Variants in MYO18B observed in about 807,000 individuals in gnomAD.
MYO18B encodes the protein unconventional myosin-XVIIIb.
A neutral mutation model predicts 273.0 loss-of-function variants in MYO18B; 204 were observed. That is an observed-to-expected ratio of 0.75 (90% CI 0.67 to 0.84). MYO18B has a LOEUF of 0.84. Ranked by LOEUF, MYO18B falls within the 40% of genes least tolerant of loss-of-function variation. The pLI, the probability that MYO18B is intolerant of heterozygous loss-of-function variation, is 0.00. For synonymous variants in MYO18B, 1,330 were observed against 1,305.7 expected (o/e 1.02, Z -0.40); for missense variants, 3,212 against 3,287.6 (o/e 0.98, Z 0.56).
At chr22:25,859,381 C>T (rs2090665506) in intron 21 of MYO18B, among the ~76,000 whole-genome samples, 1 of 152,070 alleles carries the variant, frequency 6.6e-6, no homozygotes, top group Non-Finnish European at 1.5e-5. Flanking sequence ...TGGGTGCATT[C>T]TTGGAGGAGA....
the MYO18B span, among the ~76,000 whole-genome samples, chr22:26,051,284 C>T: frequency 7.7e-6 from 1 of 129,852 alleles, no homozygotes; most frequent in African/African-American, 3.1e-5. Flanking sequence ...AGTGCAGTGG[C>T]GCCATCTCTG....
At position 25,974,004 on chromosome 22, in the gene MYO18B, C is replaced by T. The variant is rs575099468; in HGVS notation, c.6157-18359C>T. Among the ~76,000 whole-genome samples, 15 of 152,312 alleles carry T rather than the reference C, an allele frequency of 9.8e-5. 1 individual carries two copies. The highest frequency in any genetic ancestry group is 4.1e-4 in the South Asian group (2 of 4,826). On this transcript the variant is annotated intron_variant, in intron 39 of 43. Coordinates refer to ENST00000335473, the MANE Select transcript of MYO18B (RefSeq NM_032608.7). The stretch of plus-strand genomic sequence containing the variant: ...GTCTTAGGTCATCCTAGTCTTAGGA[C>T]GGTGAGGAGGCAAACGTTATCATCT...
At chr22:25,950,229 G>T (rs1352755838) in intron 36 of MYO18B, 138 bp from the exon 37 acceptor site, 2 of 664,582 alleles carry the variant, frequency 3.0e-6, no homozygotes, top group Admixed American at 6.1e-5. Flanking sequence ...TAATTTTTGG[G>T]AAACAGCTAT....
At chr22:25,888,162 T>G (rs1306123314) in intron 25 of MYO18B, among the ~76,000 whole-genome samples, 1 of 152,208 alleles carries the variant, frequency 6.6e-6, no homozygotes, top group Admixed American at 6.5e-5. Flanking sequence ...TTCCTAAATT[T>G]TTTTGTTCAT....
chr22:25,755,254 T>C (rs2086076357), intron 1 of MYO18B, among the ~76,000 whole-genome samples: 2 of 152,196 alleles, frequency 1.3e-5, no homozygotes, highest in Admixed American at 1.3e-4. Flanking sequence ...TTACCCAGGC[T>C]GGAGTGCAAT....
At chr22:25,953,015 A>G (rs1202920969) in intron 38 of MYO18B, among the ~76,000 whole-genome samples, 1 of 152,256 alleles carries the variant, frequency 6.6e-6, no homozygotes, top group Non-Finnish European at 1.5e-5. Context: ...TTTAGAGGAT[A>G]GAGATCTTTT....
intron 1 of MYO18B, among the ~76,000 whole-genome samples, chr22:25,754,605 G>C (rs143255516): frequency 6.6e-6 from 1 of 152,276 alleles, no homozygotes; most frequent in African/African-American, 2.4e-5. Context: ...ATTTTATACC[G>C]TGAATTCCAA....
chr22:25,906,006 G>A lies in MYO18B; in HGVS notation c.5148+2175G>A, dbSNP rs2092034791. ...ACCACTGGGGGACCACTTAGTGCTC[G>A]GAAGCAAAAATGTATTACCATGGCC... On this transcript the variant is annotated intron_variant, in intron 31 of 43. Transcript: ENST00000335473. Among the ~76,000 whole-genome samples the A allele has an allele frequency of 2.6e-5, 4 of 152,120 alleles. No individual in the cohort carries two copies. The South Asian group carries it at 6.2e-4, about 24-fold the overall frequency.
intron 12 of MYO18B, among the ~76,000 whole-genome samples, chr22:25,818,592 C>T (rs1046263953): frequency 2.0e-5 from 3 of 152,184 alleles, no homozygotes; most frequent in African/African-American, 7.2e-5. Flanking sequence ...GACTCAGAAG[C>T]TCTGGGGTGT....
intron 33 of MYO18B, among the ~76,000 whole-genome samples, chr22:25,915,364 T>C (rs1307483547): frequency 6.6e-6 from 1 of 152,230 alleles, no homozygotes; most frequent in Non-Finnish European, 1.5e-5. Context: ...CTATCTGATA[T>C]AGTCTATTGC....
chr22:25,969,119 T>C (rs1288962697), intron 39 of MYO18B, among the ~76,000 whole-genome samples: 1 of 152,148 alleles, frequency 6.6e-6, no homozygotes, highest in Non-Finnish European at 1.5e-5. Context: ...CCCATAGACC[T>C]CCCCTTCTCC....
intron 34 of MYO18B, among the ~76,000 whole-genome samples, chr22:25,927,759 C>T (rs905283737): frequency 1.5e-4 from 23 of 152,174 alleles, no homozygotes; most frequent in Admixed American, 7.2e-4. Flanking sequence ...ATGTCTCCCC[C>T]GGACACCCAG....
Position 25,878,141 on chromosome 22 carries a change from G to A in MYO18B, c.4314+93G>A, listed in dbSNP as rs2091251812. 7.0e-6 allele frequency: 7 copies of A among 1,005,294 alleles called. No homozygotes were observed. In the South Asian group the frequency reaches 1.1e-4, roughly 16 times the overall value. The allele number at this position is 1,005,294 out of a possible 1,614,324, so 62.3% of individuals were successfully genotyped here. On this transcript the variant is annotated intron_variant, in intron 25 of 43. Coordinates refer to ENST00000335473, the MANE Select transcript of MYO18B (RefSeq NM_032608.7). ...AGAACAATGATATGCCTGAAAGCAT[G>A]CTAATTGCTTTACAAGCACCCCAGA...
chr22:25,844,032 G>T, intron 18 of MYO18B, 138 bp downstream of exon 18: 1 of 750,062 alleles, frequency 1.3e-6, no homozygotes, highest in South Asian at 2.7e-5. Context: ...ATGGAGCAAA[G>T]AACCATAACT....
chr22:25,807,749 A>G (rs2088548338), intron 12 of MYO18B, among the ~76,000 whole-genome samples: 1 of 152,116 alleles, frequency 6.6e-6, no homozygotes, highest in Admixed American at 6.5e-5. Flanking sequence ...GATGAGCGAA[A>G]CCAAATTCCA....
In MYO18B at chr22:25,764,899, G is replaced by A. The variant is rs78335722; in HGVS notation, c.198+1510G>A. ...GGAGACTGAGGCCAAAAGAGGTCAA[G>A]TGATTTTCCCAAGGTCATCAGACCA... On this transcript the variant is annotated intron_variant, in intron 3 of 43. Transcript: ENST00000335473. Among the ~76,000 whole-genome samples, 1,240 of 152,294 alleles carry A rather than the reference G, an allele frequency of 8.1e-3. 17 individuals are homozygous for A. The highest frequency in any genetic ancestry group is 0.028 in the African/African-American group (1,152 of 41,540).
At chr22:25,800,181 G>A (rs2088128728) in intron 12 of MYO18B, among the ~76,000 whole-genome samples, 1 of 152,162 alleles carries the variant, frequency 6.6e-6, no homozygotes, top group Non-Finnish European at 1.5e-5. Context: ...TGGGGACTCA[G>A]GAGGGGGAGG....
chr22:25,898,216 A>C (rs147540225), intron 28 of MYO18B, 91 bp from the exon 29 acceptor site: 3 of 1,436,988 alleles, frequency 2.1e-6, no homozygotes, highest in Non-Finnish European at 2.8e-6. Flanking sequence ...TTCTCATTAC[A>C]CACCTTGGAA....
At position 25,902,763 on chromosome 22, in the gene MYO18B, C is replaced by T. The variant is rs542645664; in HGVS notation, c.4947+27C>T. ...TAAGGGATGGGGGACACAGAGCTATCTTGGCTCTTGGTGGCTAAATCTCGG... is the reference window on the plus strand; with the variant it reads ...TAAGGGATGGGGGACACAGAGCTATTTTGGCTCTTGGTGGCTAAATCTCGG... On this transcript the variant is annotated intron_variant, in intron 30 of 43. Transcript: ENST00000335473. 4 of 1,558,770 alleles carry T rather than the reference C, an allele frequency of 2.6e-6. No individual in the cohort carries two copies. In the East Asian group the frequency reaches 7.2e-5, roughly 28 times the overall value.
Sources: gnomAD v4.1 joint callset for allele counts (sites outside exome capture counted in the v4.1 genomes callset) on GRCh38, gnomAD v4.1.1 for gene constraint, MANE v1.5 for transcripts, NCBI Gene and HGNC (gene_info 2026-07-23, HGNC 2026-07-21) for gene names.